ACACB: variants seen among roughly 807,000 people sequenced by gnomAD.
The protein encoded by ACACB is acetyl-CoA carboxylase 2.
A neutral mutation model predicts 278.8 loss-of-function variants in ACACB; 209 were observed. The ratio of observed to expected loss-of-function variants is 0.75; its 90% CI spans 0.67 to 0.84. ACACB has a LOEUF of 0.84. Among genes scored for constraint, ACACB ranks in the 40% least tolerant of loss-of-function variants. The pLI, the probability that ACACB is intolerant of heterozygous loss-of-function variation, is 0.00. For synonymous variants in ACACB, 1,174 were observed against 1,285.6 expected, an observed-to-expected ratio of 0.91 and a Z score of 1.86; for missense variants, 2,850 against 3,269.0, an observed-to-expected ratio of 0.87 and a Z score of 3.13.
chr12:109,206,596 T>C, intron 19 of ACACB, 114 bp from the exon 20 acceptor site: 1 of 1,209,258 alleles, frequency 8.3e-7, no homozygotes, highest in Non-Finnish European at 1.2e-6. Context: ...TCCTCAGACC[T>C]CATCCTCACT....
chr12:109,239,775 T>C, intron 34 of ACACB, 55 bp from the exon 35 acceptor site: 3 of 1,509,054 alleles, frequency 2.0e-6, no homozygotes, highest in Non-Finnish European at 2.7e-6. Context: ...TCCAGCCAGC[T>C]GGGAGTAGGC....
At chr12:109,190,904 G>T (rs2044852540) in intron 13 of ACACB, among the ~76,000 whole-genome samples, 1 of 152,098 alleles carries the variant, frequency 6.6e-6, no homozygotes, top group African/African-American at 2.4e-5. Flanking sequence ...GGGATTACAG[G>T]CATGAACCAC....
intron 3 of ACACB, chr12:109,167,291 T>C (rs2043941488): frequency 3.8e-6 from 1 of 266,578 alleles, no homozygotes; most frequent in Non-Finnish European, 7.2e-6. Flanking sequence ...AAAAAAAAAA[T>C]CATTCACTGG....
chr12:109,221,894 T>TTTTGG (rs372053398), intron 24 of ACACB, among the ~76,000 whole-genome samples: 1 of 128,242 alleles, frequency 7.8e-6, no homozygotes, highest in Non-Finnish European at 1.7e-5. Flanking sequence ...TTTTTTTTTT[T>TTTTGG]GGGGGGGAGA....
At position 109,212,903 on chromosome 12, in the gene ACACB, T is replaced by A; in HGVS notation, c.3317T>A (p.Ile1106Asn). ...AAGGCTGATCGAGAGGTCTTCTTCA[T>A]CAACACCCAGAGCATCGTGCAGTTG... ...QRKADREVFF[I>N]NTQSIVQLVQ... The change falls in exon 22 of 53, where the codon ATC becomes AAC. Residue 1106 changes from isoleucine to asparagine, a missense_variant. This residue lies in a region of ACACB where 2,265 missense variants were observed against 2,561.3 expected (regional missense o/e 0.88). Coordinates refer to ENST00000338432, the MANE Select transcript of ACACB (RefSeq NM_001093.4). 2.5e-6 allele frequency: 4 copies of A among 1,614,128 alleles called. No homozygotes were observed. Among genetic ancestry groups the A allele is most frequent in the Non-Finnish European group, 3.4e-6 (4 of 1,179,984 alleles).
At chr12:109,209,767 A>ATGTGTG (rs145214400) in intron 21 of ACACB, among the ~76,000 whole-genome samples, 1 of 145,282 alleles carries the variant, frequency 6.9e-6, no homozygotes, top group African/African-American at 2.6e-5. Flanking sequence ...AGCTCCATGT[A>ATGTGTG]TGTGTGTGTG....
At chr12:109,185,842 C>A in intron 12 of ACACB, 102 bp downstream of exon 12, 1 of 1,227,604 alleles carries the variant, frequency 8.1e-7, no homozygotes, top group Non-Finnish European at 1.1e-6. Context: ...GCTATCCAGG[C>A]ATCTCAGTTT....
intron 22 of ACACB, 116 bp from the exon 23 acceptor site, chr12:109,216,502 G>T: frequency 9.4e-7 from 1 of 1,060,128 alleles, no homozygotes; most frequent in Non-Finnish European, 1.3e-6. Flanking sequence ...TTACAGGCAT[G>T]AGCCACCATG....
intron 28 of ACACB, among the ~76,000 whole-genome samples, chr12:109,230,575 A>T (rs1209418082): frequency 1.3e-5 from 2 of 152,158 alleles, no homozygotes; most frequent in African/African-American, 4.8e-5. Flanking sequence ...GGCTTGCGCC[A>T]CCACACCTGG....
intron 2 of ACACB, among the ~76,000 whole-genome samples, chr12:109,140,891 T>A (rs1020697169): frequency 1.6e-4 from 12 of 76,072 alleles, no homozygotes; most frequent in African/African-American, 9.7e-4. Flanking sequence ...TCATTCATTC[T>A]TTTTTTTTTT....
At chr12:109,264,427 C>G (rs755759693) in intron 50 of ACACB, 41 bp downstream of exon 50, 24 of 1,608,478 alleles carry the variant, frequency 1.5e-5, no homozygotes, top group Non-Finnish European at 2.0e-5. Flanking sequence ...AAGAGCCCAC[C>G]CTGTTTTCCA....
At chr12:109,157,882 G>A (rs552559232) in intron 2 of ACACB, among the ~76,000 whole-genome samples, 1 of 152,250 alleles carries the variant, frequency 6.6e-6, no homozygotes, top group South Asian at 2.1e-4. Context: ...GGGATGAGGA[G>A]GCAGAAGTTG....
chr12:109,215,428 C>T (rs1310839587), intron 22 of ACACB, among the ~76,000 whole-genome samples: 1 of 152,018 alleles, frequency 6.6e-6, no homozygotes, highest in African/African-American at 2.4e-5. Context: ...AACTCCATAT[C>T]CTTTGAAGGC....
intron 1 of ACACB, among the ~76,000 whole-genome samples, chr12:109,136,294 A>AT (rs1358139641): frequency 6.6e-6 from 1 of 152,176 alleles, no homozygotes; most frequent in African/African-American, 2.4e-5. Context: ...CTTCAAACAT[A>AT]TTTTTTAAGA....
intron 28 of ACACB, among the ~76,000 whole-genome samples, chr12:109,230,544 C>A (rs2046438488): frequency 6.6e-6 from 1 of 152,176 alleles, no homozygotes; most frequent in Admixed American, 6.5e-5. Context: ...CACCTCAGCT[C>A]CCTGTGTAGC....
intron 2 of ACACB, 85 bp downstream of exon 2, chr12:109,140,143 A>C: frequency 7.1e-7 from 1 of 1,418,224 alleles, no homozygotes; most frequent in Non-Finnish European, 9.3e-7. Flanking sequence ...CACCTTGATC[A>C]AGCTGTTTGC....
intron 4 of ACACB, 57 bp from the exon 5 acceptor site, chr12:109,171,748 T>C (rs1203140855): frequency 1.6e-5 from 21 of 1,297,602 alleles, no homozygotes; most frequent in Non-Finnish European, 2.3e-5. Context: ...TGTAATGTTC[T>C]GCCATTGATG....
At chr12:109,196,530 G>A (rs1403951935) in intron 16 of ACACB, among the ~76,000 whole-genome samples, 2 of 152,132 alleles carry the variant, frequency 1.3e-5, no homozygotes, top group Admixed American at 1.3e-4. Context: ...TCTTTTACAA[G>A]GGCCCCACCT....
intron 4 of ACACB, 122 bp downstream of exon 4, chr12:109,168,156 T>C (rs2043984484): frequency 1.9e-6 from 2 of 1,063,458 alleles, no homozygotes; most frequent in Admixed American, 5.8e-5. Flanking sequence ...CATGAGTCTG[T>C]ATTTATTTGT....
Sources: gnomAD v4.1 joint callset for allele counts (sites outside exome capture counted in the v4.1 genomes callset) on GRCh38, gnomAD v4.1.1 for gene constraint, gnomAD v4.1.1 regional missense constraint, MANE v1.5 for transcripts, NCBI Gene and HGNC (gene_info 2026-07-23, HGNC 2026-07-21) for gene names.